Variants in TRAF3IP3 observed in about 807,000 individuals in gnomAD.
TRAF3IP3 encodes the protein TRAF3-interacting JNK-activating modulator.
Under a neutral mutation model 86.5 loss-of-function variants are expected in TRAF3IP3, and 64 were observed. The ratio of observed to expected loss-of-function variants is 0.74; its 90% CI spans 0.60 to 0.91. The LOEUF is 0.91. TRAF3IP3 is among the 40% of genes least tolerant of loss of function. The pLI is 0.00. For missense variants in TRAF3IP3, 579 were observed against 642.9 expected, an observed-to-expected ratio of 0.90 and a Z score of 1.07; for synonymous variants, 220 against 243.9, an observed-to-expected ratio of 0.90 and a Z score of 0.91.
In TRAF3IP3 at chr1:209,760,187, A is replaced by T; in HGVS notation, c.148A>T (p.Arg50Trp). The change falls in exon 3 of 17, where the codon AGG becomes TGG. Residue 50 changes from arginine (R) to tryptophan (W), a missense_variant. Arg to Trp is a moderately radical substitution (Grantham distance 101). Transcript: ENST00000367025. ...TTCRQVGKTL[R>W]IQQREQLQRA... ...TTGCCGCCAGGTGGGGAAGACGCTG[A>T]GGATCCAACAGAGAGAGCAGCTCCA... 1 of 1,614,224 alleles carries T rather than the reference A, an allele frequency of 6.2e-7. No individual in the cohort carries two copies. Among genetic ancestry groups the T allele is most frequent in the Non-Finnish European group, 8.5e-7 (1 of 1,180,036 alleles).
At position 209,763,513 on chromosome 1, in the gene TRAF3IP3, G is replaced by T; in HGVS notation, c.628G>T (p.Val210Phe). Reference sequence around the variant, plus strand: ...CCAGGAGGCCCTACAAAGGGAGCTGGTCCTAAAACAGAAAATGGTGATTCT... The same window carrying T: ...CCAGGAGGCCCTACAAAGGGAGCTGTTCCTAAAACAGAAAATGGTGATTCT... Reference protein sequence around the residue: ...YLKEALQRELVLKQKMVILQD... With the variant: ...YLKEALQRELFLKQKMVILQD... The change falls in exon 8 of 17, where the codon GTC (valine) becomes TTC (phenylalanine). Residue 210 changes from valine (V) to phenylalanine (F), a missense_variant. Coordinates refer to ENST00000367025, the MANE Select transcript of TRAF3IP3 (RefSeq NM_025228.4). 1.2e-6 allele frequency: 2 copies of T among 1,614,182 alleles called. No individual in the cohort carries two copies. The highest frequency in any genetic ancestry group is 4.5e-5 in the East Asian group (2 of 44,888).
Position 209,773,035 on chromosome 1 carries a change from G to GA in TRAF3IP3, c.774+17dup. ...CTGTACCCAGGTAAGCATTCTGAAG[G>GA]ATACTTCCATCTCAGGAATCTAGAA... On this transcript the variant is annotated intron_variant, in intron 9 of 16. Transcript: ENST00000367025. 1 of 1,581,712 alleles carries GA rather than the reference G, an allele frequency of 6.3e-7. No homozygotes were observed. Among genetic ancestry groups the GA allele is most frequent in the Non-Finnish European group, 8.6e-7 (1 of 1,164,710 alleles).
intron 8 of TRAF3IP3, among the ~76,000 whole-genome samples, chr1:209,770,937 TGGA>T (rs1294725065): frequency 5.4e-5 from 7 of 130,434 alleles, no homozygotes; most frequent in African/African-American, 1.5e-4. Context: ...CGTGTGCAGG[TGGA>T]GGTGTGCGTG....
At chr1:209,768,302 G>A (rs2102460935) in intron 8 of TRAF3IP3, 5 of 985,368 alleles carry the variant, frequency 5.1e-6, no homozygotes, top group African/African-American at 1.7e-5. Flanking sequence ...CTTCACCTCC[G>A]GATGTCTCTG....
At chr1:209,761,516 T>A (rs1401460303) in intron 3 of TRAF3IP3, among the ~76,000 whole-genome samples, 1 of 152,166 alleles carries the variant, frequency 6.6e-6, no homozygotes, top group African/African-American at 2.4e-5. Context: ...TCTTAACTAG[T>A]GGATCTGTTA....
intron 15 of TRAF3IP3, 65 bp downstream of exon 15, chr1:209,780,671 T>C: frequency 7.1e-7 from 1 of 1,402,446 alleles, no homozygotes; most frequent in Non-Finnish European, 9.4e-7. Flanking sequence ...TGGGAGGCAG[T>C]CAAAAAGCAG....
intron 14 of TRAF3IP3, 70 bp downstream of exon 14, chr1:209,779,444 G>A: frequency 1.5e-6 from 2 of 1,351,236 alleles, no homozygotes; most frequent in African/African-American, 2.9e-5. Context: ...CAGCGGGATG[G>A]ACTACATGAC....
chr1:209,775,329 G>T lies in TRAF3IP3; in HGVS notation c.775-20G>T. On this transcript the variant is annotated intron_variant, in intron 9 of 16. Transcript: ENST00000367025. ...CACAGAAGCTCAATGTGTATTTGTT[G>T]AATTGCATCAAATTTACAGAAATAC... 1 of 1,597,776 alleles carries T rather than the reference G, an allele frequency of 6.3e-7. No homozygotes were observed. Among genetic ancestry groups the T allele is most frequent in the South Asian group, 1.1e-5 (1 of 89,156 alleles).
intron 6 of TRAF3IP3, 77 bp downstream of exon 6, chr1:209,763,169 T>G: frequency 1.3e-6 from 2 of 1,532,058 alleles, no homozygotes; most frequent in Non-Finnish European, 1.8e-6. Context: ...ATGATAAACT[T>G]GGCTGGGATG....
rs2077627224 is a variant in TRAF3IP3 at position 209,775,264 on chromosome 1, A to G, written c.775-85A>G. 21 of 1,380,106 alleles carry G rather than the reference A, an allele frequency of 1.5e-5. No homozygotes were observed. The South Asian group carries it at 2.9e-4, about 19-fold the overall frequency. The allele number at this position is 1,380,106 out of a possible 1,614,324, so 85.5% of individuals were successfully genotyped here. On this transcript the variant is annotated intron_variant, in intron 9 of 16. Transcript: ENST00000367025. ...GGTATCTCTGCCTGGGGGAAGAACCAACTTCTTTTCATTTCTGTATCCCAG... is the reference window on the plus strand; with the variant it reads ...GGTATCTCTGCCTGGGGGAAGAACCGACTTCTTTTCATTTCTGTATCCCAG...
Position 209,780,496 on chromosome 1 carries a change from A to G in TRAF3IP3, c.1339A>G (p.Lys447Glu). 6.2e-7 allele frequency: 1 copy of G among 1,600,276 alleles called. No homozygotes were observed. Among genetic ancestry groups the G allele is most frequent in the Non-Finnish European group, 8.5e-7 (1 of 1,172,932 alleles). The stretch of plus-strand genomic sequence containing the variant: ...TCAGGCTTTGCCCGTGTGGAGTCCA[A>G]AGTCCTTCCCTAACGAAGTGGAGCC... ...KDQALPVWSP[K>E]SFPNEVEPEG... Residue 447 changes from lysine to glutamate, a missense_variant, in exon 15 of 17, where the codon AAG (lysine) becomes GAG (glutamate). Coordinates refer to ENST00000367025, the MANE Select transcript of TRAF3IP3 (RefSeq NM_025228.4).
In TRAF3IP3 at chr1:209,773,934, C is replaced by T. The variant is rs935679759; in HGVS notation, c.774+915C>T. Among the ~76,000 whole-genome samples, 5 of 152,324 alleles carry T rather than the reference C, an allele frequency of 3.3e-5. No homozygotes were observed. In the South Asian group the frequency reaches 1.0e-3, roughly 32 times the overall value. Reference sequence around the variant, plus strand: ...AACTGGGACATCCCCTACATATGACCTCAACCAGGTTAATTCCTGGATCTG... The same window carrying T: ...AACTGGGACATCCCCTACATATGACTTCAACCAGGTTAATTCCTGGATCTG... On this transcript the variant is annotated intron_variant, in intron 9 of 16. Transcript: ENST00000367025.
chr1:209,774,203 G>A (rs11119345), intron 9 of TRAF3IP3, among the ~76,000 whole-genome samples: 6,255 of 152,302 alleles, frequency 0.041, 594 homozygotes, highest in East Asian at 0.31. Flanking sequence ...GCAAAGCTGC[G>A]CTTGTGTCTC....
rs1294571129 is a variant in TRAF3IP3, at chr1:209,781,715, T to C, written c.1563+257T>C. The C allele has an allele frequency of 6.2e-6, 3 of 484,068 alleles. No individual in the cohort carries two copies. In the Admixed American group the frequency reaches 1.1e-4, roughly 17 times the overall value. 30.0% of individuals were successfully genotyped at this position (484,068 alleles called of 1,614,324 possible). Reference sequence around the variant, plus strand: ...GCTAAAGTATGAAAGGGTGTTCTTTTAGCCGATGATAAGCATGGTGGCAAG... The same window carrying C: ...GCTAAAGTATGAAAGGGTGTTCTTTCAGCCGATGATAAGCATGGTGGCAAG... On this transcript the variant is annotated intron_variant, in intron 16 of 16. Transcript: ENST00000367025.
chr1:209,776,655 A>G (rs912829584), intron 11 of TRAF3IP3: 1 of 151,554 alleles, frequency 6.6e-6, no homozygotes, highest in African/African-American at 2.4e-5. Context: ...ACCCTAACCA[A>G]AAAAAAAACT....
intron 3 of TRAF3IP3, among the ~76,000 whole-genome samples, chr1:209,761,398 A>G (rs1443987123): frequency 6.6e-6 from 1 of 152,222 alleles, no homozygotes; most frequent in Non-Finnish European, 1.5e-5. Flanking sequence ...CCAGCAAACC[A>G]TCTTCCTACT....
chr1:209,780,732 T>A, intron 15 of TRAF3IP3, 126 bp downstream of exon 15: 3 of 893,880 alleles, frequency 3.4e-6, no homozygotes, highest in Non-Finnish European at 4.6e-6. Flanking sequence ...TTCATTTGCC[T>A]ACATAAAGTG....
chr1:209,771,778 G>T, intron 8 of TRAF3IP3, among the ~76,000 whole-genome samples: 1 of 121,662 alleles, frequency 8.2e-6, no homozygotes, highest in African/African-American at 3.0e-5. Context: ...TGTGTATATG[G>T]AGGTGTGCGT....
At chr1:209,775,537 G>A (rs376171055) in intron 10 of TRAF3IP3, 48 bp downstream of exon 10, 1 of 1,614,180 alleles carries the variant, frequency 6.2e-7, no homozygotes, top group Non-Finnish European at 8.5e-7. Flanking sequence ...CAGGCAGCTT[G>A]GGGAACAAGG....
Sources: allele counts gnomAD v4.1 joint callset (sites outside exome capture counted in the v4.1 genomes callset), GRCh38; gene constraint gnomAD v4.1.1; transcripts MANE v1.5; gene names NCBI Gene and HGNC (gene_info 2026-07-23, HGNC 2026-07-21).